OFD1: variants seen among roughly 807,000 people sequenced by gnomAD.
OFD1 encodes the protein OFD1 centriole and centriolar satellite protein.
OFD1 carries 12 observed loss-of-function variants against 81.4 expected under a neutral mutation model. That is an observed-to-expected ratio of 0.15 (90% CI 0.09 to 0.24). The LOEUF is 0.24. Among genes scored for constraint, OFD1 ranks in the 10% least tolerant of loss-of-function variants. The pLI, the probability that OFD1 is intolerant of heterozygous loss-of-function variation, is 1.00. For synonymous variants in OFD1, 256 were observed against 263.7 expected, an observed-to-expected ratio of 0.97 and a Z score of 0.28; for missense variants, 685 against 733.9, an observed-to-expected ratio of 0.93 and a Z score of 0.77.
intron 9 of OFD1, among the ~76,000 whole-genome samples, 195 bp downstream of exon 9, chrX:13,749,728 AGAC>A (rs896790149): frequency 8.9e-6 from 1 of 112,779 alleles, no homozygotes; most frequent in African/African-American, 3.2e-5. Context: ...TAAGATGAAA[AGAC>A]GAATGAGATG....
rs1448244459 is a variant in OFD1 at position 13,744,409 on chromosome X, T to G, written c.413-6T>G. The G allele has an allele frequency of 9.3e-7, 1 of 1,075,325 alleles. No individual in the cohort carries two copies. Among genetic ancestry groups the G allele is most frequent in the East Asian group, 3.0e-5 (1 of 33,305 alleles). 88.6% of individuals were successfully genotyped at this position (1,075,325 alleles called of 1,213,427 possible). A position where few individuals can be genotyped will look rare whatever the true frequency, so the allele number is the denominator to read the frequency against. On this transcript the variant is annotated splice_region_variant and splice_polypyrimidine_tract_variant and intron_variant, in intron 5 of 22. Coordinates refer to ENST00000340096, the MANE Select transcript of OFD1 (RefSeq NM_003611.3). Reference sequence around the variant, plus strand: ...TGAAACAAAACTGTATGCATATGTTTTTTAGGTTTTCTTATGCATTTTTTA... The same window carrying G: ...TGAAACAAAACTGTATGCATATGTTGTTTAGGTTTTCTTATGCATTTTTTA...
At chrX:13,760,798 AG>A in intron 16 of OFD1, 78 bp downstream of exon 16, 2 of 1,141,847 alleles carry the variant, frequency 1.8e-6, no homozygotes, top group Non-Finnish European at 2.4e-6. Context: ...GGTTGCCGTG[AG>A]GGTCAGCGGG....
At chrX:13,730,487 A>G (rs189241517), upstream of OFD1, among the ~76,000 whole-genome samples, 99 of 112,112 alleles carry the variant, frequency 8.8e-4, no homozygotes, top group African/African-American at 3.2e-3. Flanking sequence ...AATTAGTTCA[A>G]TCATTGTGGA....
At chrX:13,719,430 T>C in the OFD1 span, among the ~76,000 whole-genome samples, 1 of 111,026 alleles carries the variant, frequency 9.0e-6, no homozygotes, top group African/African-American at 3.3e-5. Context: ...AGCCAGGAAG[T>C]GCTGCAGAAG....
At chrX:13,719,791 T>C in the OFD1 span, 2 of 741,219 alleles carry the variant, frequency 2.7e-6, no homozygotes, top group Non-Finnish European at 3.8e-6. Flanking sequence ...TGGATTTCAG[T>C]TACCTTATCT....
At position 13,736,159 on chromosome X, in the gene OFD1, A is replaced by C. The variant is rs2046855518; in HGVS notation, c.112-319A>C. 3 of 876,022 alleles carry C rather than the reference A, an allele frequency of 3.4e-6. No individual in the cohort carries two copies. The Admixed American group carries it at 1.8e-4, about 54-fold the overall frequency. The allele number at this position is 876,022 out of a possible 1,213,427, so 72.2% of individuals were successfully genotyped here. ...AATTTTTTCCTATACTTAATATCCC[A>C]ATCGTAAGCTGCTGAAATGGGCTTC... On this transcript the variant is annotated intron_variant, in intron 2 of 22. Coordinates refer to ENST00000340096, the MANE Select transcript of OFD1 (RefSeq NM_003611.3).
At chrX:13,745,053 G>C (rs2047239771) in intron 6 of OFD1, among the ~76,000 whole-genome samples, 1 of 111,985 alleles carries the variant, frequency 8.9e-6, no homozygotes, top group South Asian at 3.7e-4. Flanking sequence ...CATCCTGTCT[G>C]TCAGTTTCGT....
At chrX:13,741,899 T>G (rs192909530) in intron 5 of OFD1, among the ~76,000 whole-genome samples, 5 of 111,809 alleles carry the variant, frequency 4.5e-5, no homozygotes, top group Middle Eastern at 4.6e-3. Flanking sequence ...GGTCAGTCAG[T>G]TAAGGCAGGA....
At chrX:13,741,450 T>C (rs1019467562) in intron 5 of OFD1, among the ~76,000 whole-genome samples, 9 of 112,047 alleles carry the variant, frequency 8.0e-5, no homozygotes, top group Admixed American at 9.4e-5. Context: ...TATGGTCTTA[T>C]CCTACCATAT....
intron 10 of OFD1, among the ~76,000 whole-genome samples, chrX:13,751,820 GTGAC>G (rs2047513216): frequency 8.9e-6 from 1 of 111,885 alleles, no homozygotes; most frequent in African/African-American, 3.3e-5. Context: ...CTGCGTGACA[GTGAC>G]AATCCATCTC....
At chrX:13,754,683 C>T (rs965569183) in intron 11 of OFD1, among the ~76,000 whole-genome samples, 2 of 112,677 alleles carry the variant, frequency 1.8e-5, no homozygotes, top group Non-Finnish European at 3.8e-5. Context: ...GCTGGGATTA[C>T]AGGCGTGAGC....
At chrX:13,771,822 A>C (rs2048304109), downstream of OFD1, 1 of 112,376 alleles carries the variant, frequency 8.9e-6, no homozygotes, top group Non-Finnish European at 1.9e-5. Context: ...GGAAACTAAG[A>C]TTTAGATAAG....
intron 11 of OFD1, among the ~76,000 whole-genome samples, chrX:13,754,045 G>C (rs1428861923): frequency 9.3e-6 from 1 of 107,704 alleles, no homozygotes; most frequent in South Asian, 4.1e-4. Context: ...GCAGTGGTGC[G>C]ATCTCGGCTC....
chrX:13,746,316 T>A lies in OFD1; in HGVS notation c.518-3T>A. Reference sequence around the variant, plus strand: ...CCTAATTTGATGTGTTATTTTTTAATAGCTGAGAAGCTTCAGCTTATTGAT... The same window carrying A: ...CCTAATTTGATGTGTTATTTTTTAAAAGCTGAGAAGCTTCAGCTTATTGAT... On this transcript the variant is annotated splice_polypyrimidine_tract_variant and splice_region_variant and intron_variant, in intron 6 of 22. Coordinates refer to ENST00000340096, the MANE Select transcript of OFD1 (RefSeq NM_003611.3). 8.3e-7 allele frequency: 1 copy of A among 1,205,526 alleles called. No individual in the cohort carries two copies. Among genetic ancestry groups the A allele is most frequent in the Non-Finnish European group, 1.1e-6 (1 of 890,826 alleles).
intron 5 of OFD1, among the ~76,000 whole-genome samples, chrX:13,741,029 A>G (rs942489783): frequency 1.3e-4 from 14 of 109,623 alleles, no homozygotes; most frequent in African/African-American, 3.7e-4. Context: ...AGTCCCAGCT[A>G]TTTGGGAGGC....
chrX:13,772,943 C>A, downstream of OFD1: 1 of 1,209,058 alleles, frequency 8.3e-7, no homozygotes, highest in Non-Finnish European at 1.1e-6. Flanking sequence ...TCCTGTTCTT[C>A]CTTTGCTTTG....
At chrX:13,751,770 G>A (rs754844068) in intron 10 of OFD1, among the ~76,000 whole-genome samples, 15 of 112,144 alleles carry the variant, frequency 1.3e-4, no homozygotes, top group Admixed American at 4.7e-4. Flanking sequence ...GGAGGCAGAC[G>A]TTGCAGTGAA....
At chrX:13,732,790 T>A (rs2046703241), upstream of OFD1, among the ~76,000 whole-genome samples, 1 of 112,913 alleles carries the variant, frequency 8.9e-6, no homozygotes, top group East Asian at 2.8e-4. Flanking sequence ...ATAAAACTCA[T>A]GGACTCCAGT....
intron 5 of OFD1, 185 bp downstream of exon 5, chrX:13,739,217 CTG>C: frequency 2.4e-6 from 1 of 415,821 alleles, no homozygotes; most frequent in Non-Finnish European, 4.2e-6. Context: ...ATTAAAAAAA[CTG>C]TAGACAGTAT....
Sources: allele counts gnomAD v4.1 joint callset (sites outside exome capture counted in the v4.1 genomes callset), GRCh38; gene constraint gnomAD v4.1.1; transcripts MANE v1.5; gene names NCBI Gene and HGNC (gene_info 2026-07-23, HGNC 2026-07-21).